The following MRPL30 variants were observed in gnomAD, a reference collection of about 807,000 sequenced individuals.
MRPL30 encodes mitochondrial ribosomal protein L30, also known as large ribosomal subunit protein uL30m.
A neutral mutation model predicts 17.2 loss-of-function variants in MRPL30; 10 were observed. The ratio of observed to expected loss-of-function variants is 0.58; its 90% CI spans 0.36 to 0.99. The LOEUF is 0.99. Ranked by LOEUF, MRPL30 falls within the 50% of genes least tolerant of loss-of-function variation. MRPL30 has a pLI of 0.01. For synonymous variants in MRPL30, 61 were observed against 62.1 expected (o/e 0.98, Z 0.08); for missense variants, 170 against 189.8 (o/e 0.90, Z 0.61).
At chr2:99,189,736 G>T (rs927823702) in intron 3 of MRPL30, among the ~76,000 whole-genome samples, 6 of 152,086 alleles carry the variant, frequency 3.9e-5, no homozygotes, top group Non-Finnish European at 8.8e-5. Flanking sequence ...TGTTTTGGGT[G>T]GGGGGTTCCT....
At chr2:99,190,209 A>G (rs1356919523) in intron 3 of MRPL30, among the ~76,000 whole-genome samples, 2 of 152,212 alleles carry the variant, frequency 1.3e-5, no homozygotes, top group Non-Finnish European at 2.9e-5. Context: ...TTCTTAAAAG[A>G]TAAAACAGTA....
chr2:99,199,012 C>A lies in MRPL30; in HGVS notation c.*3307C>A, dbSNP rs551691252. On this transcript the variant is annotated 3_prime_UTR_variant, in exon 6 of 6. Coordinates refer to ENST00000338148, the MANE Select transcript of MRPL30 (RefSeq NM_145212.4). ...CTAACTGGCACAGTTTCACCAAGGACAGTTTGGAACTACACAGGCCATTTT... is the reference window on the plus strand; with the variant it reads ...CTAACTGGCACAGTTTCACCAAGGAAAGTTTGGAACTACACAGGCCATTTT... Among the ~76,000 whole-genome samples, 7 of 151,954 alleles carry A rather than the reference C, an allele frequency of 4.6e-5. No individual in the cohort carries two copies. Among genetic ancestry groups the A allele is most frequent in the African/African-American group, 7.3e-5 (3 of 41,362 alleles).
rs1461245825 is a variant in MRPL30 at position 99,195,589 on chromosome 2, T to C, written c.370T>C (p.Leu124=). 10 of 1,604,904 alleles carry C rather than the reference T, an allele frequency of 6.2e-6. No homozygotes were observed. Among genetic ancestry groups the C allele is most frequent in the Non-Finnish European group, 7.6e-6 (9 of 1,177,968 alleles). Residue 124 remains leucine (L), a synonymous_variant, in exon 6 of 6, where the codon TTG becomes CTG. Transcript: ENST00000338148. ...GTGTCACAGAATCAAGCCCTTGAAG[T>C]TGCCACAAGGACTTCCAGCAGAGGA... is the stretch of plus-strand genomic sequence containing the variant. ...KHLIRIKPLK[L]PQGLPAEENM... is the part of the protein sequence containing the mutation.
rs1454083396 is a variant in MRPL30 at position 99,199,548 on chromosome 2, C to G, written c.*3843C>G. On this transcript the variant is annotated 3_prime_UTR_variant, in exon 6 of 6. Coordinates refer to ENST00000338148, the MANE Select transcript of MRPL30 (RefSeq NM_145212.4). ...TGCTCAAGAAGAAAAATAAACAATTCTTCATTTCCTGTTCTCTAGTTTTCC... is the reference window on the plus strand; with the variant it reads ...TGCTCAAGAAGAAAAATAAACAATTGTTCATTTCCTGTTCTCTAGTTTTCC... 6.6e-6 allele frequency among the ~76,000 whole-genome samples: 1 copy of G among 152,022 alleles called. No homozygotes were observed. Among genetic ancestry groups the G allele is most frequent in the Non-Finnish European group, 1.5e-5 (1 of 68,010 alleles).
In MRPL30 at chr2:99,198,449, G is replaced by A. The variant is rs796947544; in HGVS notation, c.*2744G>A. Among the ~76,000 whole-genome samples, 4 of 152,252 alleles carry A rather than the reference G, an allele frequency of 2.6e-5. No homozygotes were observed. Among genetic ancestry groups the A allele is most frequent in the African/African-American group, 9.6e-5 (4 of 41,552 alleles). On this transcript the variant is annotated 3_prime_UTR_variant, in exon 6 of 6. Transcript: ENST00000338148. Reference sequence around the variant, plus strand: ...AGCATTGGAGACAGACTAGCAAGATGGGCACTACACTCTTAGATAATCAAA... The same window carrying A: ...AGCATTGGAGACAGACTAGCAAGATAGGCACTACACTCTTAGATAATCAAA...
chr2:99,193,154 G>T (rs1166824157), intron 3 of MRPL30, among the ~76,000 whole-genome samples: 1 of 152,138 alleles, frequency 6.6e-6, no homozygotes, highest in Non-Finnish European at 1.5e-5. Flanking sequence ...CCATCAAAAA[G>T]TGGGCAAAGG....
At chr2:99,184,367 C>T (rs2093930617) in intron 1 of MRPL30, among the ~76,000 whole-genome samples, 1 of 152,174 alleles carries the variant, frequency 6.6e-6, no homozygotes, top group South Asian at 2.1e-4. Context: ...TAAGTCCTCT[C>T]AGCTAACAGA....
chr2:99,195,478 G>A (rs750226995), intron 5 of MRPL30, 95 bp from the exon 6 acceptor site: 32 of 1,371,636 alleles, frequency 2.3e-5, no homozygotes, highest in Non-Finnish European at 3.1e-5. Context: ...CTAGCTATTT[G>A]AAACTATGTG....
Position 99,195,137 on chromosome 2 carries a change from A to C in MRPL30, c.301A>C (p.Lys101Gln), listed in dbSNP as rs1465280974. 1 of 1,602,516 alleles carries C rather than the reference A, an allele frequency of 6.2e-7. No homozygotes were observed. Among genetic ancestry groups the C allele is most frequent in the Non-Finnish European group, 8.5e-7 (1 of 1,176,692 alleles). Residue 101 changes from lysine (K) to glutamine (Q), a missense_variant, in exon 5 of 6, where the codon AAG becomes CAG. Physicochemically the swap from Lys to Gln is moderately conservative, Grantham distance 53 (BLOSUM62 1). Coordinates refer to ENST00000338148, the MANE Select transcript of MRPL30 (RefSeq NM_145212.4). ...LEKAHTPQVH[K>Q]NIPSVNAKLK... ...ACAGGCACATACCCCTCAAGTTCAC[A>C]AGAATATCCCTTCAGTGAATGCAAA...
chr2:99,181,375 G>T (rs1434847549), intron 1 of MRPL30, 126 bp downstream of exon 1: 1 of 164,264 alleles, frequency 6.1e-6, no homozygotes, highest in Non-Finnish European at 1.3e-5. Context: ...ACCTAAATGG[G>T]TCTGCCCCTG....
chr2:99,196,808 G>C lies in MRPL30; in HGVS notation c.*1103G>C, dbSNP rs2093955890. On this transcript the variant is annotated 3_prime_UTR_variant, in exon 6 of 6. Coordinates refer to ENST00000338148, the MANE Select transcript of MRPL30 (RefSeq NM_145212.4). ...GCTAGATTATCTGTTCTGTGCTTTG[G>C]TGTCTATAAGTACATATGTGGATAT... is the stretch of plus-strand genomic sequence containing the variant. 1 of 152,158 alleles carries C rather than the reference G, an allele frequency of 6.6e-6. No homozygotes were observed. 9.4% of individuals were successfully genotyped at this position (152,158 alleles called of 1,614,324 possible). A position where few individuals can be genotyped will look rare whatever the true frequency, so the allele number is the denominator to read the frequency against.
chr2:99,191,478 G>A (rs79295923), intron 3 of MRPL30, among the ~76,000 whole-genome samples: 9,470 of 152,172 alleles, frequency 0.062, 580 homozygotes, highest in East Asian at 0.2. Flanking sequence ...TATTAGTTAT[G>A]TCAGTTAATG....
intron 3 of MRPL30, among the ~76,000 whole-genome samples, chr2:99,188,640 A>G (rs1315494930): frequency 1.3e-5 from 2 of 151,912 alleles, no homozygotes; most frequent in African/African-American, 4.8e-5. Context: ...AGCTTTTTCT[A>G]TTTCATTTCT....
In MRPL30 at chr2:99,184,341, C is replaced by T. The variant is rs80195438; in HGVS notation, c.-27-1836C>T. ...TGGGCACTGGGTGTGCTCCTTGCCACTGAGTGCTAGTGCTTTAAGTCCTCT... is the reference window on the plus strand; with the variant it reads ...TGGGCACTGGGTGTGCTCCTTGCCATTGAGTGCTAGTGCTTTAAGTCCTCT... On this transcript the variant is annotated intron_variant, in intron 1 of 5. Transcript: ENST00000338148. Among the ~76,000 whole-genome samples, 383 of 152,322 alleles carry T rather than the reference C, an allele frequency of 2.5e-3. 3 individuals carry two copies. The highest frequency in any genetic ancestry group is 8.6e-3 in the African/African-American group (356 of 41,558).
chr2:99,186,472 A>G (rs1196381678), intron 2 of MRPL30, among the ~76,000 whole-genome samples: 2 of 152,148 alleles, frequency 1.3e-5, no homozygotes, highest in Admixed American at 1.3e-4. Context: ...AGCTGGGACT[A>G]CAGGTGTCTG....
intron 1 of MRPL30, 124 bp from the exon 2 acceptor site, chr2:99,186,053 A>G (rs756769296): frequency 3.0e-5 from 19 of 624,414 alleles, no homozygotes; most frequent in Non-Finnish European, 4.9e-5. Context: ...TATTAAAATA[A>G]CCAATAATTT....
At chr2:99,186,846 T>C (rs1345969957) in intron 2 of MRPL30, 1 of 152,216 alleles carries the variant, frequency 6.6e-6, no homozygotes, top group Non-Finnish European at 1.5e-5. Flanking sequence ...TAGAAAAATA[T>C]AGAAAATCAG....
In MRPL30 at chr2:99,198,749, G is replaced by A. The variant is rs1033657713; in HGVS notation, c.*3044G>A. ...AAAACCCTATAAGGGTTTGTTCCTC[G>A]GTCTTGACTTTGTGTCTTTGAGGAT... On this transcript the variant is annotated 3_prime_UTR_variant, in exon 6 of 6. Coordinates refer to ENST00000338148, the MANE Select transcript of MRPL30 (RefSeq NM_145212.4). Among the ~76,000 whole-genome samples, 5 of 152,040 alleles carry A rather than the reference G, an allele frequency of 3.3e-5. No individual in the cohort carries two copies. Among genetic ancestry groups the A allele is most frequent in the African/African-American group, 1.2e-4 (5 of 41,400 alleles).
intron 2 of MRPL30, 117 bp downstream of exon 2, chr2:99,186,371 C>A: frequency 1.1e-6 from 1 of 928,422 alleles, no homozygotes; most frequent in Non-Finnish European, 1.6e-6. Flanking sequence ...CTCTCTCTGT[C>A]ACCCAGGCTG....
Sources: gnomAD v4.1 joint callset for allele counts (sites outside exome capture counted in the v4.1 genomes callset) on GRCh38, gnomAD v4.1.1 for gene constraint, MANE v1.5 for transcripts, NCBI Gene and HGNC (gene_info 2026-07-23, HGNC 2026-07-21) for gene names.